PCDHGB3: variants seen among roughly 807,000 people sequenced by gnomAD.
PCDHGB3 encodes the protein protocadherin gamma subfamily B, 3.
In PCDHGB3, 40 loss-of-function variants were observed where a neutral mutation model predicts 59.2. The observed-to-expected ratio is 0.68, with a 90% CI of 0.52 to 0.88. The LOEUF is 0.88. Ranked by LOEUF, PCDHGB3 falls within the 40% of genes least tolerant of loss-of-function variation. The pLI, the probability that PCDHGB3 is intolerant of heterozygous loss-of-function variation, is 0.00. For missense variants in PCDHGB3, 1,309 were observed against 1,187.9 expected, an observed-to-expected ratio of 1.10 and a Z score of -1.50; for synonymous variants, 581 against 503.6, an observed-to-expected ratio of 1.15 and a Z score of -2.06.
At position 141,408,036 on chromosome 5, in the gene PCDHGB3, A is replaced by G. The variant is rs941133513; in HGVS notation, c.2415+35227A>G. On this transcript the variant is annotated intron_variant, in intron 1 of 3. Coordinates refer to ENST00000576222, the MANE Select transcript of PCDHGB3 (RefSeq NM_018924.5). ...AGCCAACAACAGAAAGAAGAAAACC[A>G]GCTCCCACACAGAGCCTCCCGGCTG... 7.9e-6 allele frequency: 9 copies of G among 1,132,718 alleles called. No individual in the cohort carries two copies. In the African/African-American group the frequency reaches 1.4e-4, roughly 18 times the overall value. The allele number at this position is 1,132,718 out of a possible 1,614,324, so 70.2% of individuals were successfully genotyped here. A position where few individuals can be genotyped will look rare whatever the true frequency, so the allele number is the denominator to read the frequency against.
At chr5:141,389,582 T>G (rs1266016569) in intron 1 of PCDHGB3, 7 of 1,613,028 alleles carry the variant, frequency 4.3e-6, no homozygotes, top group Non-Finnish European at 5.1e-6. Flanking sequence ...CCGCGCTGGG[T>G]CCCGACGGCT....
chr5:141,394,652 G>T (rs1589237070), intron 1 of PCDHGB3: 1 of 1,613,422 alleles, frequency 6.2e-7, no homozygotes, highest in Non-Finnish European at 8.5e-7. Flanking sequence ...AGGCCAGCGA[G>T]CCGGGACTCT....
intron 1 of PCDHGB3, among the ~76,000 whole-genome samples, chr5:141,488,675 T>C (rs888235928): frequency 2.6e-5 from 4 of 152,116 alleles, no homozygotes; most frequent in Admixed American, 1.3e-4. Flanking sequence ...TACATGGGCT[T>C]TGCCTCTCCC....
chr5:141,420,187 C>T (rs1369031488), intron 1 of PCDHGB3: 7 of 1,613,824 alleles, frequency 4.3e-6, no homozygotes, highest in Non-Finnish European at 5.9e-6. Context: ...ATTGTCCAGC[C>T]ACACAAGATA....
chr5:141,419,395 G>T (rs374575981), intron 1 of PCDHGB3: 50 of 1,613,478 alleles, frequency 3.1e-5, no homozygotes, highest in Non-Finnish European at 4.0e-5. Flanking sequence ...CGCAGAGCGG[G>T]GTGGTGTTCG....
intron 1 of PCDHGB3, chr5:141,373,929 A>G: frequency 1.5e-6 from 1 of 673,706 alleles, no homozygotes; most frequent in Non-Finnish European, 2.3e-6. Context: ...TTAGACGGGA[A>G]AGCAGGAAAG....
chr5:141,413,636 T>G, intron 1 of PCDHGB3: 2 of 1,613,876 alleles, frequency 1.2e-6, no homozygotes, highest in South Asian at 2.2e-5. Context: ...GCTGCGGGAA[T>G]GCGTTTTCCT....
chr5:141,398,660 T>C, intron 1 of PCDHGB3: 2 of 1,614,038 alleles, frequency 1.2e-6, no homozygotes, highest in Non-Finnish European at 1.7e-6. Context: ...AACCCAAGTT[T>C]CTCATTAATA....
At chr5:141,488,784 T>C (rs116057353) in intron 1 of PCDHGB3, among the ~76,000 whole-genome samples, 1 of 152,248 alleles carries the variant, frequency 6.6e-6, no homozygotes, top group African/African-American at 2.4e-5. Flanking sequence ...TTGTATCACT[T>C]TGTCTTCCCT....
intron 1 of PCDHGB3, chr5:141,417,718 G>A: frequency 7.7e-7 from 1 of 1,304,720 alleles, no homozygotes; most frequent in Non-Finnish European, 1.0e-6. Flanking sequence ...GCTCCCGGCT[G>A]CGCAGACCTT....
rs539892249 is a variant in PCDHGB3 at position 141,500,355 on chromosome 5, C to T, written c.2475-5038C>T. ...TCCAGAATAGCTGGGACTACAGGCG[C>T]CCACTACCACGCCCGGCTAATTATT... On this transcript the variant is annotated intron_variant, in intron 2 of 3. Coordinates refer to ENST00000576222, the MANE Select transcript of PCDHGB3 (RefSeq NM_018924.5). Among the ~76,000 whole-genome samples, 274 of 152,030 alleles carry T rather than the reference C, an allele frequency of 1.8e-3. 2 individuals are homozygous for T. The highest frequency in any genetic ancestry group is 6.3e-3 in the African/African-American group (263 of 41,478).
At chr5:141,429,523 A>G (rs1009016050) in intron 1 of PCDHGB3, among the ~76,000 whole-genome samples, 1 of 152,174 alleles carries the variant, frequency 6.6e-6, no homozygotes, top group Non-Finnish European at 1.5e-5. Context: ...CAGAGAAAAA[A>G]GCTTAAAAAA....
rs1360364370 is a variant in PCDHGB3, at chr5:141,491,814, G to A, written c.2416-2993G>A. 1 of 1,486,114 alleles carries A rather than the reference G, an allele frequency of 6.7e-7. No individual in the cohort carries two copies. The allele number at this position is 1,486,114 out of a possible 1,614,324, so 92.1% of individuals were successfully genotyped here. On this transcript the variant is annotated intron_variant, in intron 1 of 3. Transcript: ENST00000576222. This position sits in a 1 kb window ranked among gnomAD's most constrained non-coding sequence, Gnocchi z 6.9. ...TCCTCTCCGGCCGGCTTGGTCGCTGGCTGCGCTCCACCCGATTCTCGGGAT... is the reference window on the plus strand; with the variant it reads ...TCCTCTCCGGCCGGCTTGGTCGCTGACTGCGCTCCACCCGATTCTCGGGAT...
intron 1 of PCDHGB3, chr5:141,428,456 A>G (rs538022786): frequency 1.4e-5 from 5 of 358,650 alleles, no homozygotes; most frequent in South Asian, 1.1e-4. Context: ...TTTCCCAACT[A>G]CAATGAGGGA....
chr5:141,394,946 T>A (rs759854662), intron 1 of PCDHGB3: 1 of 1,613,768 alleles, frequency 6.2e-7, no homozygotes, highest in East Asian at 2.2e-5. Flanking sequence ...TCGCTGTGCT[T>A]CTGGGGCTCA....
At chr5:141,492,009 G>C in intron 1 of PCDHGB3, 1 of 617,702 alleles carries the variant, frequency 1.6e-6, no homozygotes, top group Non-Finnish European at 2.7e-6. Flanking sequence ...GATTTCCGCG[G>C]GTGTCGGGGG....
intron 1 of PCDHGB3, among the ~76,000 whole-genome samples, chr5:141,466,614 G>A (rs75804312): frequency 1.4e-3 from 218 of 152,142 alleles, no homozygotes; most frequent in Middle Eastern, 6.8e-3. Context: ...GTAAACTGCC[G>A]TTTTCTTTGG....
At chr5:141,380,758 T>C (rs1382076690) in intron 1 of PCDHGB3, among the ~76,000 whole-genome samples, 1 of 152,222 alleles carries the variant, frequency 6.6e-6, no homozygotes, top group Non-Finnish European at 1.5e-5. Flanking sequence ...CAAGACACTA[T>C]AAATTAATTG....
At chr5:141,436,793 C>T (rs752376420) in intron 1 of PCDHGB3, among the ~76,000 whole-genome samples, 4 of 152,178 alleles carry the variant, frequency 2.6e-5, no homozygotes, top group Non-Finnish European at 5.9e-5. Flanking sequence ...TAAAACTGTT[C>T]TAAAATTTTT....
Sources: allele counts gnomAD v4.1 joint callset (sites outside exome capture counted in the v4.1 genomes callset), GRCh38; gene constraint gnomAD v4.1.1; non-coding constraint Gnocchi (gnomAD v3.1); transcripts MANE v1.5; gene names NCBI Gene and HGNC (gene_info 2026-07-23, HGNC 2026-07-21).